ADSS1: variants seen among roughly 807,000 people sequenced by gnomAD.
The protein encoded by ADSS1 is adenylosuccinate synthetase isozyme 1.
Under a neutral mutation model 59.1 loss-of-function variants are expected in ADSS1, and 57 were observed. The observed-to-expected ratio is 0.97, with a 90% confidence interval of 0.78 to 1.20. ADSS1 has a LOEUF of 1.20. ADSS1 is among the 50% of genes most tolerant of loss of function. ADSS1 has a pLI of 0.00. For synonymous variants in ADSS1, 247 were observed against 249.4 expected (o/e 0.99, Z 0.09); for missense variants, 603 against 610.3 (o/e 0.99, Z 0.13).
chr14:104,727,052 C>G (rs368982498), intron 1 of ADSS1, among the ~76,000 whole-genome samples: 181 of 152,340 alleles, frequency 1.2e-3, no homozygotes, highest in Middle Eastern at 0.01. Context: ...GCCCCTGGCA[C>G]TTGGCAAGAG....
chr14:104,735,370 G>A (rs913261169), intron 2 of ADSS1, among the ~76,000 whole-genome samples: 3 of 151,778 alleles, frequency 2.0e-5, no homozygotes, highest in Non-Finnish European at 4.4e-5. Flanking sequence ...CATCCACCGC[G>A]CAGGAGCGGG....
Position 104,735,118 on chromosome 14 carries a change from C to T in ADSS1, c.291C>T (p.Phe97=), listed in dbSNP as rs148331541. 8.1e-6 allele frequency: 13 copies of T among 1,608,478 alleles called. No homozygotes were observed. Among genetic ancestry groups the T allele is most frequent in the Non-Finnish European group, 1.1e-5 (13 of 1,176,794 alleles). Residue 97 remains phenylalanine, a synonymous_variant, in exon 2 of 13, where the codon TTC becomes TTT. Coordinates refer to ENST00000330877, the MANE Select transcript of ADSS1 (RefSeq NM_152328.5). ...SGIINTKAVS[F]IGNGVVIHLP... ...TCATCAACACCAAGGCCGTGTCCTT[C>T]ATTGGTGAGTGCCCTGCCCCGACCT...
intron 1 of ADSS1, 79 bp from the exon 2 acceptor site, chr14:104,734,941 A>G (rs1290679308): frequency 9.5e-6 from 12 of 1,259,864 alleles, no homozygotes; most frequent in Non-Finnish European, 1.4e-5. Flanking sequence ...GGGACAGACG[A>G]AGCCCCATGT....
In ADSS1 at chr14:104,740,942, G is replaced by T; in HGVS notation, c.666+22G>T. 6.2e-7 allele frequency: 1 copy of T among 1,613,642 alleles called. No individual in the cohort carries two copies. The highest frequency in any genetic ancestry group is 8.5e-7 in the Non-Finnish European group (1 of 1,179,800). On this transcript the variant is annotated intron_variant, in intron 7 of 12. Transcript: ENST00000330877. This position sits in a 1 kb window ranked among gnomAD's most constrained non-coding sequence, Gnocchi z 4.8. The stretch of plus-strand genomic sequence containing the variant: ...CAAGGTGAAGTCGGGGCCGCAGTGT[G>T]GGGGCTGCGGAAGTGCTCCTCCAGG...
At chr14:104,745,778 T>G (rs957557184) in intron 11 of ADSS1, 1 of 154,128 alleles carries the variant, frequency 6.5e-6, no homozygotes, top group Non-Finnish European at 1.4e-5. Context: ...TTCCAGCATC[T>G]TCCATCTGTA....
At chr14:104,739,912 G>GGTA (rs1412223828) in intron 5 of ADSS1, 96 bp downstream of exon 5, 6 of 1,363,468 alleles carry the variant, frequency 4.4e-6, no homozygotes, top group Non-Finnish European at 6.2e-6. Context: ...CAACGAGGAG[G>GGTA]GTACCTCAAC....
chr14:104,745,063 T>C, intron 11 of ADSS1, 154 bp downstream of exon 11: 1 of 675,032 alleles, frequency 1.5e-6, no homozygotes, highest in Non-Finnish European at 2.5e-6. Context: ...ATCATGGCTT[T>C]TGCCTCTCAC....
At chr14:104,726,383 T>C (rs1444779823) in intron 1 of ADSS1, among the ~76,000 whole-genome samples, 3 of 152,208 alleles carry the variant, frequency 2.0e-5, no homozygotes, top group Non-Finnish European at 4.4e-5. Context: ...GAGCTGGATC[T>C]CAGCGGGGCG....
chr14:104,726,526 G>A (rs949591783), intron 1 of ADSS1, among the ~76,000 whole-genome samples: 7 of 152,144 alleles, frequency 4.6e-5, no homozygotes, highest in Admixed American at 3.3e-4. Context: ...CCCTACCACC[G>A]GGCTCCCAGC....
intron 1 of ADSS1, among the ~76,000 whole-genome samples, chr14:104,726,098 C>T (rs977755862): frequency 3.3e-5 from 5 of 152,184 alleles, no homozygotes. Flanking sequence ...CGCCAGGCCA[C>T]CCCCACCAGG....
chr14:104,739,682 C>G, intron 4 of ADSS1, 68 bp from the exon 5 acceptor site: 1 of 1,546,348 alleles, frequency 6.5e-7, no homozygotes, highest in Non-Finnish European at 8.9e-7. Flanking sequence ...GAGGTGAGGT[C>G]CATGTATACA....
At chr14:104,739,517 T>G (rs1480041668) in intron 4 of ADSS1, 139 bp downstream of exon 4, 1 of 1,053,320 alleles carries the variant, frequency 9.5e-7, no homozygotes, top group Non-Finnish European at 1.4e-6. Flanking sequence ...GCTTGTACAT[T>G]ACCCTTTTCA....
chr14:104,724,601 G>T, intron 1 of ADSS1, 139 bp downstream of exon 1: 1 of 1,151,066 alleles, frequency 8.7e-7, no homozygotes, highest in Non-Finnish European at 1.1e-6. Context: ...CCTTTCCCAG[G>T]GCCACCCCAC....
In ADSS1 at chr14:104,734,940, G is replaced by A. The variant is rs535866532; in HGVS notation, c.193-80G>A. 6.2e-5 allele frequency: 77 copies of A among 1,248,280 alleles called. No individual in the cohort carries two copies. In the South Asian group the frequency reaches 6.6e-4, roughly 11 times the overall value. The allele number at this position is 1,248,280 out of a possible 1,614,324, so 77.3% of individuals were successfully genotyped here. A position where few individuals can be genotyped will look rare whatever the true frequency, so the allele number is the denominator to read the frequency against. ...ACAGCAGTGCCCTGCAGGGACAGACGAAGCCCCATGTGGGTCAGTCCATGT... is the reference window on the plus strand; with the variant it reads ...ACAGCAGTGCCCTGCAGGGACAGACAAAGCCCCATGTGGGTCAGTCCATGT... On this transcript the variant is annotated intron_variant, in intron 1 of 12. Coordinates refer to ENST00000330877, the MANE Select transcript of ADSS1 (RefSeq NM_152328.5).
chr14:104,725,768 C>A (rs1890702090), intron 1 of ADSS1, among the ~76,000 whole-genome samples: 1 of 152,182 alleles, frequency 6.6e-6, no homozygotes, highest in East Asian at 1.9e-4. Flanking sequence ...TCCAGGGCGC[C>A]CTCAGCGTGG....
intron 2 of ADSS1, 107 bp downstream of exon 2, chr14:104,735,229 C>A: frequency 9.6e-7 from 1 of 1,039,782 alleles, no homozygotes; most frequent in Non-Finnish European, 1.4e-6. Flanking sequence ...GATGACTGCT[C>A]TAGCAGTAGG....
At chr14:104,734,693 T>G (rs2140777556) in intron 1 of ADSS1, among the ~76,000 whole-genome samples, 1 of 152,306 alleles carries the variant, frequency 6.6e-6, no homozygotes, top group Admixed American at 6.5e-5. Flanking sequence ...GGGTTAGGCC[T>G]CCTCATTCCT....
chr14:104,724,386 C>T lies in ADSS1; in HGVS notation c.116C>T (p.Ala39Val). The change falls in exon 1 of 13, where the codon GCG becomes GTG. Residue 39 changes from alanine to valine, a missense_variant. Ala to Val is a moderately conservative substitution (Grantham distance 64). Coordinates refer to ENST00000330877, the MANE Select transcript of ADSS1 (RefSeq NM_152328.5). ...TGSRVTVVLG[A>V]QWGDEGKGKV... is the part of the protein sequence containing the mutation. The stretch of plus-strand genomic sequence containing the variant: ...TCCCGCGTGACGGTGGTGCTGGGCG[C>T]GCAGTGGGGGGACGAGGGCAAAGGC... 2 of 1,258,078 alleles carry T rather than the reference C, an allele frequency of 1.6e-6. No individual in the cohort carries two copies. The highest frequency in any genetic ancestry group is 2.0e-6 in the Non-Finnish European group (2 of 995,972). 77.9% of individuals were successfully genotyped at this position (1,258,078 alleles called of 1,614,324 possible). A position where few individuals can be genotyped will look rare whatever the true frequency, so the allele number is the denominator to read the frequency against.
At chr14:104,744,367 C>T (rs1891479337) in intron 10 of ADSS1, 1 of 159,624 alleles carries the variant, frequency 6.3e-6, no homozygotes, top group Non-Finnish European at 1.4e-5. Context: ...CTCTTTTCCA[C>T]TCAGTGTAAA....
Sources: allele counts gnomAD v4.1 joint callset (sites outside exome capture counted in the v4.1 genomes callset), GRCh38; gene constraint gnomAD v4.1.1; non-coding constraint Gnocchi (gnomAD v3.1); transcripts MANE v1.5; gene names NCBI Gene and HGNC (gene_info 2026-07-23, HGNC 2026-07-21).